The following EEIG1 variants were observed in gnomAD, a reference collection of about 807,000 sequenced individuals.
EEIG1 encodes early estrogen-induced gene 1 protein.
the EEIG1 span, among the ~76,000 whole-genome samples, chr9:127,955,214 C>T: frequency 2.0e-5 from 3 of 152,190 alleles, no homozygotes; most frequent in African/African-American, 7.2e-5. Context: ...GGCAGAGGGT[C>T]GGAGAGGGCC....
chr9:127,955,682 G>A, the EEIG1 span, among the ~76,000 whole-genome samples: 12,959 of 152,324 alleles, frequency 0.085, 582 homozygotes, highest in Middle Eastern at 0.099. Flanking sequence ...TAGCCAGGTG[G>A]AGGAGACAGT....
the EEIG1 span, chr9:127,943,102 G>T: frequency 8.3e-7 from 1 of 1,205,530 alleles, no homozygotes; most frequent in Non-Finnish European, 1.2e-6. Context: ...GTGGCGCAGA[G>T]GTGATCTGAA....
chr9:127,957,502 G>A, the EEIG1 span, among the ~76,000 whole-genome samples: 2 of 152,286 alleles, frequency 1.3e-5, no homozygotes, highest in Admixed American at 6.5e-5. Flanking sequence ...TTCATGGATC[G>A]GAAGACATGT....
chr9:127,977,960 G>A, the EEIG1 span, among the ~76,000 whole-genome samples: 1 of 152,200 alleles, frequency 6.6e-6, no homozygotes, highest in Non-Finnish European at 1.5e-5. Flanking sequence ...CTTGCCCAAT[G>A]TCACTCAGCC....
At chr9:127,946,114 C>T in the EEIG1 span, among the ~76,000 whole-genome samples, 4 of 152,366 alleles carry the variant, frequency 2.6e-5, no homozygotes, top group African/African-American at 4.8e-5. Context: ...TCCAAGGAGA[C>T]GGCCTTAATG....
chr9:127,966,787 A>G, the EEIG1 span, among the ~76,000 whole-genome samples: 1 of 152,206 alleles, frequency 6.6e-6, no homozygotes, highest in Non-Finnish European at 1.5e-5. Context: ...GTAATTCTCA[A>G]GCATCATCTT....
the EEIG1 span, among the ~76,000 whole-genome samples, chr9:127,959,829 A>C: frequency 6.6e-6 from 1 of 152,216 alleles, no homozygotes; most frequent in African/African-American, 2.4e-5. Flanking sequence ...GTATTTCTTT[A>C]TGGCAGTGTG....
chr9:127,949,805 T>A, the EEIG1 span, among the ~76,000 whole-genome samples: 7 of 152,200 alleles, frequency 4.6e-5, no homozygotes, highest in Admixed American at 1.3e-4. Context: ...GGTGTGCTGG[T>A]GACGGACACC....
the EEIG1 span, chr9:127,943,580 G>C: frequency 3.2e-6 from 1 of 308,772 alleles, no homozygotes; most frequent in Non-Finnish European, 6.2e-6. Context: ...AGGGCAGTGG[G>C]AAGTCAGGAA....
the EEIG1 span, among the ~76,000 whole-genome samples, chr9:127,970,577 C>T: frequency 8.5e-5 from 13 of 152,258 alleles, no homozygotes; most frequent in South Asian, 2.1e-4. Flanking sequence ...TGAAACCTGC[C>T]CTTCTCAGCT....
At chr9:127,957,071 C>T in the EEIG1 span, among the ~76,000 whole-genome samples, 9 of 152,082 alleles carry the variant, frequency 5.9e-5, no homozygotes, top group East Asian at 3.9e-4. Context: ...TTTGGGAGGC[C>T]GAGGCGGGCA....
the EEIG1 span, chr9:127,954,016 G>T: frequency 1.3e-6 from 2 of 1,496,540 alleles, no homozygotes; most frequent in South Asian, 1.2e-5. Flanking sequence ...TCCCCATTGG[G>T]ACTGAGGCGG....
chr9:127,948,969 GAA>G, the EEIG1 span, among the ~76,000 whole-genome samples: 3 of 152,204 alleles, frequency 2.0e-5, no homozygotes, highest in African/African-American at 7.2e-5. Flanking sequence ...TGAGCAAGTG[GAA>G]AAGAGGAGCA....
the EEIG1 span, among the ~76,000 whole-genome samples, chr9:127,965,133 A>C: frequency 7.1e-6 from 1 of 140,308 alleles, no homozygotes; most frequent in African/African-American, 2.6e-5. Context: ...AAAAAAAAAA[A>C]AAAAAAAAAA....
chr9:127,970,964 A>C, the EEIG1 span, among the ~76,000 whole-genome samples: 8 of 152,124 alleles, frequency 5.3e-5, no homozygotes, highest in Admixed American at 5.2e-4. Flanking sequence ...GGTGGGGGCC[A>C]CATCTCCAGG....
chr9:127,965,391 C>T, the EEIG1 span, among the ~76,000 whole-genome samples: 10 of 152,254 alleles, frequency 6.6e-5, no homozygotes, highest in Middle Eastern at 3.4e-3. Flanking sequence ...GCATTTTAAA[C>T]GAGCTCCCAG....
the EEIG1 span, chr9:127,944,626 C>T: frequency 1.2e-6 from 2 of 1,611,748 alleles, no homozygotes; most frequent in South Asian, 1.1e-5. Context: ...TGGTGGCAAG[C>T]TGGATGCCGC....
At chr9:127,953,002 C>A in the EEIG1 span, among the ~76,000 whole-genome samples, 579 of 152,258 alleles carry the variant, frequency 3.8e-3, 2 homozygotes, top group African/African-American at 0.013. Context: ...TAGGCGTGAG[C>A]CACCATGCCC....
chr9:127,974,108 G>C, the EEIG1 span, among the ~76,000 whole-genome samples: 88 of 152,254 alleles, frequency 5.8e-4, no homozygotes, highest in Middle Eastern at 3.4e-3. Flanking sequence ...TAAGTACTAG[G>C]CATGATGCCA....
Sources: gnomAD v4.1 joint callset for allele counts (sites outside exome capture counted in the v4.1 genomes callset) on GRCh38, gnomAD v4.1.1 for gene constraint, MANE v1.5 for transcripts, NCBI Gene and HGNC (gene_info 2026-07-23, HGNC 2026-07-21) for gene names.